Variants in E2F8 observed in about 807,000 individuals in gnomAD.
E2F8 encodes transcription factor E2F8.
Under a neutral mutation model 80.8 loss-of-function variants are expected in E2F8, and 35 were observed. That is an observed-to-expected ratio of 0.43 (90% CI 0.33 to 0.57). The LOEUF is 0.57. Among genes scored for constraint, E2F8 ranks in the 20% least tolerant of loss-of-function variants. The pLI is 0.04. For synonymous variants in E2F8, 386 were observed against 395.0 expected, an observed-to-expected ratio of 0.98 and a Z score of 0.27; for missense variants, 975 against 1,056.2, an observed-to-expected ratio of 0.92 and a Z score of 1.07.
chr11:19,237,809 C>T lies in E2F8; in HGVS notation c.294+45G>A, dbSNP rs746053827. 38 of 1,572,378 alleles carry T rather than the reference C, an allele frequency of 2.4e-5. 1 individual carries two copies. In the South Asian group the frequency reaches 3.7e-4, roughly 15 times the overall value. On this transcript the variant is annotated intron_variant, in intron 3 of 12. Coordinates refer to ENST00000250024, the MANE Select transcript of E2F8 (RefSeq NM_024680.4). ...CTAATAGCTACAACCTCCCCCCTCCCCCCAACAAATTCCCCAGCCTCCAAC... is the reference window on the plus strand; with the variant it reads ...CTAATAGCTACAACCTCCCCCCTCCTCCCAACAAATTCCCCAGCCTCCAAC...
intron 3 of E2F8, 115 bp from the exon 4 acceptor site, chr11:19,237,585 G>T: frequency 8.4e-7 from 1 of 1,197,598 alleles, no homozygotes; most frequent in East Asian, 2.5e-5. Flanking sequence ...TTCAACAGCT[G>T]CAAAGTCTGG....
intron 6 of E2F8, among the ~76,000 whole-genome samples, chr11:19,232,626 G>C (rs1851412187): frequency 6.6e-6 from 1 of 152,150 alleles, no homozygotes. Context: ...AAGGAAAAAC[G>C]ACTTGATGAG....
At chr11:19,237,552 A>C (rs1802249989) in intron 3 of E2F8, 82 bp from the exon 4 acceptor site, 2 of 1,383,548 alleles carry the variant, frequency 1.4e-6, no homozygotes, top group Admixed American at 4.4e-5. Context: ...TCGATGACTG[A>C]CACCAACTTA....
chr11:19,239,400 T>C (rs933696411), intron 2 of E2F8, among the ~76,000 whole-genome samples: 4 of 152,170 alleles, frequency 2.6e-5, no homozygotes, highest in South Asian at 2.1e-4. Flanking sequence ...TCAGAAGCAA[T>C]AGTAATTCTC....
chr11:19,230,759 T>G lies in E2F8; in HGVS notation c.1142A>C (p.Asn381Thr). ...RRSSKENCAK[N>T]LFSTRGKPNF... The stretch of plus-strand genomic sequence containing the variant: ...TGGTTTCCCACGTGTGGAAAAGAGG[T>G]TTTTGGCACAGTTCTCTTTTGAAGA... Residue 381 changes from asparagine (N) to threonine (T), a missense_variant, in exon 8 of 13, where the codon AAC (asparagine) becomes ACC (threonine). Coordinates refer to ENST00000250024, the MANE Select transcript of E2F8 (RefSeq NM_024680.4). 6.2e-7 allele frequency: 1 copy of G among 1,613,790 alleles called. No homozygotes were observed. Among genetic ancestry groups the G allele is most frequent in the Non-Finnish European group, 8.5e-7 (1 of 1,179,882 alleles).
At chr11:19,228,424 G>A (rs1186106716) in intron 10 of E2F8, among the ~76,000 whole-genome samples, 1 of 152,118 alleles carries the variant, frequency 6.6e-6, no homozygotes, top group Non-Finnish European at 1.5e-5. Flanking sequence ...CTTATAACAC[G>A]TCTTAAAAGG....
At chr11:19,238,579 C>T (rs1851583416) in intron 2 of E2F8, among the ~76,000 whole-genome samples, 1 of 152,144 alleles carries the variant, frequency 6.6e-6, no homozygotes, top group South Asian at 2.1e-4. Context: ...AAGTAAAGGC[C>T]TACAGGGCAG....
intron 7 of E2F8, 138 bp from the exon 8 acceptor site, chr11:19,230,972 A>T (rs150302041): frequency 1.4e-6 from 1 of 708,588 alleles, no homozygotes; most frequent in Non-Finnish European, 2.3e-6. Flanking sequence ...TAAGGGCTTT[A>T]CAGAGAAAGC....
chr11:19,239,957 A>G, intron 2 of E2F8, 150 bp downstream of exon 2: 1 of 417,184 alleles, frequency 2.4e-6, no homozygotes. Flanking sequence ...TTGAAACTAT[A>G]AGATAAGGTT....
chr11:19,225,344 C>G lies in E2F8; in HGVS notation c.2298G>C (p.Glu766Asp), dbSNP rs770286107. 3.7e-6 allele frequency: 6 copies of G among 1,614,048 alleles called. No homozygotes were observed. In the African/African-American group the frequency reaches 8.0e-5, roughly 22 times the overall value. ...SGIVPVSPRIESVNVAPENAG... is the reference protein window; with the variant it reads ...SGIVPVSPRIDSVNVAPENAG... The stretch of plus-strand genomic sequence containing the variant: ...CATTTTCTGGTGCGACATTAACAGA[C>G]TCTATTCTTGGAGACACAGGAACGA... Residue 766 changes from glutamate to aspartate, a missense_variant, in exon 12 of 13, where the codon GAG becomes GAC. Glu to Asp is a conservative substitution (Grantham distance 45, BLOSUM62 2). Transcript: ENST00000250024.
intron 6 of E2F8, 152 bp downstream of exon 6, chr11:19,234,208 A>G (rs1851454219): frequency 1.2e-6 from 1 of 819,972 alleles, no homozygotes; most frequent in Non-Finnish European, 1.8e-6. Context: ...AGCTAAATCA[A>G]TATTATCATG....
chr11:19,230,526 T>C (rs564651808), intron 8 of E2F8, 105 bp downstream of exon 8: 1 of 1,342,128 alleles, frequency 7.5e-7, no homozygotes, highest in African/African-American at 1.5e-5. Context: ...GGTATATAGA[T>C]ATTGAAATAA....
intron 7 of E2F8, among the ~76,000 whole-genome samples, 181 bp downstream of exon 7, chr11:19,232,053 C>A (rs551233529): frequency 6.6e-6 from 1 of 152,178 alleles, no homozygotes; most frequent in African/African-American, 2.4e-5. Context: ...TGGAAGCCAT[C>A]ATCCTCAGCA....
At chr11:19,241,018 C>G (rs1302944595), upstream of E2F8, 1 of 152,426 alleles carries the variant, frequency 6.6e-6, no homozygotes, top group South Asian at 2.1e-4. This position sits in a 1 kb window ranked among gnomAD's most constrained non-coding sequence, Gnocchi z 4.5. Context: ...CGACAGTTCC[C>G]GGACAGCATC....
At chr11:19,233,631 G>A (rs1851435539) in intron 6 of E2F8, among the ~76,000 whole-genome samples, 2 of 151,900 alleles carry the variant, frequency 1.3e-5, no homozygotes, top group Admixed American at 1.3e-4. Context: ...GGGACTACAG[G>A]TGCACGCCAC....
Position 19,232,355 on chromosome 11 carries a change from C to A in E2F8, c.945G>T (p.Leu315Phe). 1 of 1,612,358 alleles carries A rather than the reference C, an allele frequency of 6.2e-7. No individual in the cohort carries two copies. The highest frequency in any genetic ancestry group is 8.5e-7 in the Non-Finnish European group (1 of 1,179,540). The change falls in exon 7 of 13, where the codon TTG becomes TTT. Residue 315 changes from leucine (L) to phenylalanine (F), a missense_variant. Leu to Phe is a conservative substitution (Grantham distance 22). Transcript: ENST00000250024. ...KSKFKTKIRR[L>F]YDIANVLSSL... ...TACTCAGAACATTAGCTATATCATA[C>A]AACCTCCTAATTTTTGCTGGGAAAA...
chr11:19,235,100 G>T (rs768119823), intron 4 of E2F8, 42 bp from the exon 5 acceptor site: 1 of 1,521,428 alleles, frequency 6.6e-7, no homozygotes, highest in Non-Finnish European at 8.9e-7. Flanking sequence ...TTTTTGTAAC[G>T]TGTTTAGAAT....
At position 19,225,802 on chromosome 11, in the gene E2F8, G is replaced by A. The variant is rs1851221538; in HGVS notation, c.1956C>T (p.Ser652=). The A allele has an allele frequency of 6.2e-7, 1 of 1,614,126 alleles. No homozygotes were observed. The highest frequency in any genetic ancestry group is 8.5e-7 in the Non-Finnish European group (1 of 1,180,022). The change falls in exon 11 of 13, where the codon TCC becomes TCT. Residue 652 remains serine (S), a synonymous_variant. Transcript: ENST00000250024. The part of the protein sequence containing the change: ...LTQCSSLGAE[S]ILSGKENSSA... ...TTGAGTTTTCTTTACCAGACAAAAT[G>A]GACTCTGCCCCCAGGGATGAGCACT...
At chr11:19,232,018 G>A (rs932834321) in intron 7 of E2F8, among the ~76,000 whole-genome samples, 9 of 152,194 alleles carry the variant, frequency 5.9e-5, no homozygotes, top group African/African-American at 2.2e-4. Flanking sequence ...ATGAGATCAT[G>A]TCCTCTGTGG....
Sources: allele counts gnomAD v4.1 joint callset (sites outside exome capture counted in the v4.1 genomes callset), GRCh38; gene constraint gnomAD v4.1.1; non-coding constraint Gnocchi (gnomAD v3.1); transcripts MANE v1.5; gene names NCBI Gene and HGNC (gene_info 2026-07-23, HGNC 2026-07-21).